FYB2: variants seen among roughly 807,000 people sequenced by gnomAD.
The protein encoded by FYB2 is FYN binding protein 2.
A neutral mutation model predicts 94.1 loss-of-function variants in FYB2; 103 were observed. The observed-to-expected ratio is 1.09, with a 90% CI of 0.93 to 1.29. The LOEUF (loss-of-function observed/expected upper bound fraction) is 1.29. Among genes scored for constraint, FYB2 ranks in the 50% most tolerant of loss-of-function variants. FYB2 has a pLI of 0.00. For missense variants in FYB2, 896 were observed against 841.5 expected (o/e 1.06, Z -0.80); for synonymous variants, 293 against 287.9 (o/e 1.02, Z -0.18).
chr1:56,776,168 C>G (rs1645871325), intron 4 of FYB2, among the ~76,000 whole-genome samples: 2 of 152,062 alleles, frequency 1.3e-5, no homozygotes, highest in African/African-American at 2.4e-5. Flanking sequence ...TAATGAAGCA[C>G]CAGACGATGG....
chr1:56,770,404 AG>A (rs1327221858), intron 4 of FYB2, among the ~76,000 whole-genome samples: 10 of 152,164 alleles, frequency 6.6e-5, no homozygotes, highest in African/African-American at 2.2e-4. Flanking sequence ...AAAGAGGAAA[AG>A]CTACGCTACT....
intron 15 of FYB2, among the ~76,000 whole-genome samples, chr1:56,730,777 A>T (rs1644690461): frequency 6.6e-6 from 1 of 152,074 alleles, no homozygotes; most frequent in Non-Finnish European, 1.5e-5. Flanking sequence ...ACTCTTCCTA[A>T]CTCATTCTAT....
chr1:56,740,719 TTTTC>T lies in FYB2; in HGVS notation c.1677_1680del (p.Lys560ProfsTer7). 6.2e-7 allele frequency: 1 copy of T among 1,603,636 alleles called. No individual in the cohort carries two copies. Among genetic ancestry groups the T allele is most frequent in the Non-Finnish European group, 8.5e-7 (1 of 1,173,844 alleles). Reference sequence around the variant, plus strand: ...TACCTTAAGTTTTCTTTCGACTTGGTTTTCTTTATTTTAAATCTATCCTTTTCTT... The same window carrying T: ...TACCTTAAGTTTTCTTTCGACTTGGTTTTATTTTAAATCTATCCTTTTCTT... On this transcript the variant is annotated frameshift_variant, in exon 13 of 20. Coordinates refer to ENST00000343433, the MANE Select transcript of FYB2 (RefSeq NM_001004303.5). LOFTEE classifies it high-confidence loss of function.
At chr1:56,748,341 T>C (rs1645115869) in intron 9 of FYB2, among the ~76,000 whole-genome samples, 1 of 152,122 alleles carries the variant, frequency 6.6e-6, no homozygotes, top group Non-Finnish European at 1.5e-5. Context: ...TCCTGAATGG[T>C]ATTGCCTAGG....
Position 56,789,090 on chromosome 1 carries a change from G to A in FYB2, c.802C>T (p.Pro268Ser). Reference sequence around the variant, plus strand: ...CCCAGGGAGTCGATGGAGGGCAATGGCTTTGTTTTGGGAAGGTGGTGATGC... The same window carrying A: ...CCCAGGGAGTCGATGGAGGGCAATGACTTTGTTTTGGGAAGGTGGTGATGC... Reference protein sequence around the residue: ...VRHHHLPKTKPLPSIDSLGPP... With the variant: ...VRHHHLPKTKSLPSIDSLGPP... The change falls in exon 3 of 20, where the codon CCA becomes TCA. Residue 268 changes from proline (P) to serine (S), a missense_variant. Physicochemically the swap from Pro to Ser is moderately conservative, Grantham distance 74. Coordinates refer to ENST00000343433, the MANE Select transcript of FYB2 (RefSeq NM_001004303.5). The A allele has an allele frequency of 6.2e-7, 1 of 1,611,010 alleles. No individual in the cohort carries two copies. The highest frequency in any genetic ancestry group is 8.5e-7 in the Non-Finnish European group (1 of 1,178,510).
At chr1:56,720,104 T>G (rs76825819) in intron 18 of FYB2, 49 bp from the exon 19 acceptor site, 2 of 1,588,588 alleles carry the variant, frequency 1.3e-6, no homozygotes, top group Non-Finnish European at 1.7e-6. Context: ...AGAGAAAATG[T>G]TTTTTTAAAG....
intron 3 of FYB2, among the ~76,000 whole-genome samples, chr1:56,788,714 T>G (rs962958136): frequency 1.3e-5 from 2 of 152,152 alleles, no homozygotes; most frequent in South Asian, 4.1e-4. Flanking sequence ...CGACTTTCTG[T>G]TTTCTTCCTC....
Position 56,755,372 on chromosome 1 carries a change from C to T in FYB2, c.1130+524G>A, listed in dbSNP as rs562702926. ...CACAGGCAAGGGATTGGTCACTTCT[C>T]TCAGGGAGTGGAATGAAGGAAGGGT... On this transcript the variant is annotated intron_variant, in intron 7 of 19. Coordinates refer to ENST00000343433, the MANE Select transcript of FYB2 (RefSeq NM_001004303.5). Among the ~76,000 whole-genome samples the T allele has an allele frequency of 1.6e-4, 25 of 152,176 alleles. No homozygotes were observed. The East Asian group carries it at 4.9e-3, about 30-fold the overall frequency.
At chr1:56,802,828 G>C (rs938026035) in intron 1 of FYB2, among the ~76,000 whole-genome samples, 2 of 152,220 alleles carry the variant, frequency 1.3e-5, no homozygotes. Flanking sequence ...TGTCATGAAG[G>C]CCTTTCTGTC....
chr1:56,806,137 G>A (rs1442633228), intron 1 of FYB2, among the ~76,000 whole-genome samples: 1 of 152,106 alleles, frequency 6.6e-6, no homozygotes, highest in African/African-American at 2.4e-5. Flanking sequence ...CTGTCCTGGG[G>A]TTCACAGTCT....
chr1:56,798,649 GATA>G lies in FYB2; in HGVS notation c.10-5849_10-5847del, dbSNP rs924890636. Reference sequence around the variant, plus strand: ...ATGTTACAGGAATCTAAGGAATAATGATAATAATAATAATAACAAAAATGGGCA... The same window carrying G: ...ATGTTACAGGAATCTAAGGAATAATGATAATAATAATAACAAAAATGGGCA... On this transcript the variant is annotated intron_variant, in intron 1 of 19. Coordinates refer to ENST00000343433, the MANE Select transcript of FYB2 (RefSeq NM_001004303.5). Among the ~76,000 whole-genome samples, 10 of 151,990 alleles carry G rather than the reference GATA, an allele frequency of 6.6e-5. No individual in the cohort carries two copies. In the South Asian group the frequency reaches 8.3e-4, roughly 13 times the overall value.
At chr1:56,798,015 T>G (rs1646439223) in intron 1 of FYB2, among the ~76,000 whole-genome samples, 1 of 152,206 alleles carries the variant, frequency 6.6e-6, no homozygotes, top group Non-Finnish European at 1.5e-5. Flanking sequence ...CTAGTCTTTC[T>G]GAACCCCTTT....
At chr1:56,772,327 T>C (rs1422937863) in intron 4 of FYB2, among the ~76,000 whole-genome samples, 1 of 152,154 alleles carries the variant, frequency 6.6e-6, no homozygotes, top group East Asian at 1.9e-4. Context: ...AAAAGGCATC[T>C]TTAGGATCAA....
intron 4 of FYB2, among the ~76,000 whole-genome samples, chr1:56,768,968 T>A (rs1645690717): frequency 6.6e-6 from 1 of 152,062 alleles, no homozygotes. Flanking sequence ...AGATAAAAAA[T>A]TTAATGTAGA....
chr1:56,791,879 G>A (rs775837781), intron 2 of FYB2, among the ~76,000 whole-genome samples, 177 bp downstream of exon 2: 4 of 151,944 alleles, frequency 2.6e-5, no homozygotes, highest in African/African-American at 4.8e-5. Flanking sequence ...AGGAGATTAA[G>A]CACTTTACTC....
intron 5 of FYB2, among the ~76,000 whole-genome samples, chr1:56,762,896 A>C (rs1645532565): frequency 6.6e-6 from 1 of 152,206 alleles, no homozygotes; most frequent in Non-Finnish European, 1.5e-5. Context: ...TTCTTAATCA[A>C]GTTGAGGAAG....
At chr1:56,781,770 C>T (rs1646014540) in intron 4 of FYB2, among the ~76,000 whole-genome samples, 1 of 152,216 alleles carries the variant, frequency 6.6e-6, no homozygotes, top group Non-Finnish European at 1.5e-5. Context: ...ATTACTTCCA[C>T]AGCTCACAAG....
At chr1:56,742,294 A>G in intron 11 of FYB2, 73 bp from the exon 12 acceptor site, 1 of 1,153,432 alleles carries the variant, frequency 8.7e-7, no homozygotes, top group Non-Finnish European at 1.2e-6. Context: ...AACAAAAAGT[A>G]TTAGATACTT....
chr1:56,791,903 C>T (rs1276254009), intron 2 of FYB2, among the ~76,000 whole-genome samples, 153 bp downstream of exon 2: 1 of 152,176 alleles, frequency 6.6e-6, no homozygotes, highest in Non-Finnish European at 1.5e-5. Flanking sequence ...CCCGAGGTTA[C>T]AATTTAGCAG....
Sources: gnomAD v4.1 joint callset for allele counts (sites outside exome capture counted in the v4.1 genomes callset) on GRCh38, gnomAD v4.1.1 for gene constraint, MANE v1.5 for transcripts, NCBI Gene and HGNC (gene_info 2026-07-23, HGNC 2026-07-21) for gene names.